The following SLC9A9 variants were observed in gnomAD, a reference collection of about 807,000 sequenced individuals.
SLC9A9 encodes sodium/hydrogen exchanger 9.
In SLC9A9, 62 loss-of-function variants were observed where a neutral mutation model predicts 77.8. That is an observed-to-expected ratio of 0.80 (90% confidence interval 0.65 to 0.98). The LOEUF is 0.98. Among genes scored for constraint, SLC9A9 ranks in the 50% least tolerant of loss-of-function variants. The probability of loss-of-function intolerance (pLI) is 0.00; values close to 1 mark genes in which losing one functional copy is unlikely to be tolerated. For synonymous variants in SLC9A9, 320 were observed against 283.5 expected, an observed-to-expected ratio of 1.13 and a Z score of -1.29; for missense variants, 775 against 774.9, an observed-to-expected ratio of 1.00 and a Z score of 0.00.
chr3:143,317,986 C>A (rs1057260861), intron 14 of SLC9A9, among the ~76,000 whole-genome samples: 5 of 152,308 alleles, frequency 3.3e-5, no homozygotes, highest in Non-Finnish European at 7.4e-5. Context: ...CTTGGCCTCC[C>A]AAAGTGCTGG....
intron 5 of SLC9A9, among the ~76,000 whole-genome samples, chr3:143,656,629 A>G (rs2038893640): frequency 6.6e-6 from 1 of 152,194 alleles, no homozygotes; most frequent in South Asian, 2.1e-4. Context: ...GCTCTCAGCA[A>G]CCTAGCACAA....
chr3:143,492,118 C>CCGT (rs749550156), intron 11 of SLC9A9, among the ~76,000 whole-genome samples: 6 of 151,718 alleles, frequency 4.0e-5, no homozygotes, highest in Admixed American at 2.0e-4. Context: ...CGGTGAAACC[C>CCGT]CGTCTCTACT....
intron 12 of SLC9A9, among the ~76,000 whole-genome samples, chr3:143,394,220 T>G (rs186789197): frequency 1.6e-4 from 25 of 152,206 alleles, no homozygotes; most frequent in Non-Finnish European, 2.6e-4. Flanking sequence ...ACTGGCAAAC[T>G]GAATCCAGCG....
chr3:143,532,766 G>C (rs556140182), intron 9 of SLC9A9, among the ~76,000 whole-genome samples: 1 of 152,192 alleles, frequency 6.6e-6, no homozygotes, highest in South Asian at 2.1e-4. Flanking sequence ...ACTCATTCTG[G>C]TACATATCTC....
At chr3:143,643,482 A>G (rs1406841311) in intron 6 of SLC9A9, among the ~76,000 whole-genome samples, 1 of 152,162 alleles carries the variant, frequency 6.6e-6, no homozygotes, top group Non-Finnish European at 1.5e-5. Context: ...TGATTTCCAC[A>G]TGGAAATGGG....
intron 14 of SLC9A9, among the ~76,000 whole-genome samples, chr3:143,334,963 GAA>G (rs35558032): frequency 3.4e-5 from 5 of 149,174 alleles, no homozygotes; most frequent in African/African-American, 7.3e-5. Context: ...TAATAGGCAT[GAA>G]AAAAAAAAAT....
chr3:143,402,729 G>C (rs551288292), intron 12 of SLC9A9, among the ~76,000 whole-genome samples: 59 of 149,412 alleles, frequency 3.9e-4, no homozygotes, highest in Admixed American at 6.7e-4. Flanking sequence ...TTTCCCTTCA[G>C]GATATTTGTA....
rs116443488 is a variant in SLC9A9, at chr3:143,400,929, C to G, written c.1470-18815G>C. ...TCCTAGGTACCTTGTTTGCCTCCCC[C>G]AGTCCTGATCGTGGGTGAAGTAACA... On this transcript the variant is annotated intron_variant, in intron 12 of 15. Transcript: ENST00000316549. Among the ~76,000 whole-genome samples, 1,203 of 152,120 alleles carry G rather than the reference C, an allele frequency of 7.9e-3. 16 individuals carry two copies. Among genetic ancestry groups the G allele is most frequent in the African/African-American group, 0.027 (1,124 of 41,486 alleles).
intron 14 of SLC9A9, among the ~76,000 whole-genome samples, chr3:143,334,791 C>T (rs1162347241): frequency 6.6e-6 from 1 of 152,110 alleles, no homozygotes; most frequent in African/African-American, 2.4e-5. Flanking sequence ...AGCCCCAACT[C>T]ATAAAGATAT....
intron 5 of SLC9A9, among the ~76,000 whole-genome samples, chr3:143,665,123 A>G (rs2039043233): frequency 6.6e-6 from 1 of 152,278 alleles, no homozygotes; most frequent in Non-Finnish European, 1.5e-5. Flanking sequence ...AACAGAAATT[A>G]TAACAAACTG....
chr3:143,439,395 T>A (rs779421624), intron 12 of SLC9A9, among the ~76,000 whole-genome samples: 11 of 152,246 alleles, frequency 7.2e-5, no homozygotes, highest in Non-Finnish European at 1.0e-4. Flanking sequence ...CAGCTCATTG[T>A]ACTTTCAGAG....
intron 6 of SLC9A9, among the ~76,000 whole-genome samples, chr3:143,636,306 T>C (rs898478914): frequency 6.6e-6 from 1 of 152,236 alleles, no homozygotes; most frequent in South Asian, 2.1e-4. Context: ...TCATTAATTG[T>C]TGCTGAAGTC....
chr3:143,344,391 T>C (rs202054861), intron 14 of SLC9A9: 2 of 152,198 alleles, frequency 1.3e-5, no homozygotes, highest in East Asian at 1.9e-4. Context: ...AAAATATTCA[T>C]TCCAACTCTG....
intron 9 of SLC9A9, among the ~76,000 whole-genome samples, chr3:143,541,767 C>A (rs915615880): frequency 6.6e-6 from 1 of 152,134 alleles, no homozygotes; most frequent in African/African-American, 2.4e-5. Context: ...TAGCTCTGAA[C>A]TTCTTTGATT....
At chr3:143,732,994 ATT>A (rs1934846427) in intron 4 of SLC9A9, among the ~76,000 whole-genome samples, 1 of 152,162 alleles carries the variant, frequency 6.6e-6, no homozygotes, top group African/African-American at 2.4e-5. Flanking sequence ...CCTGAACATC[ATT>A]AGGTAATAAA....
chr3:143,507,197 CATTATT>C (rs1249395315), intron 9 of SLC9A9, among the ~76,000 whole-genome samples: 1 of 151,228 alleles, frequency 6.6e-6, no homozygotes, highest in Non-Finnish European at 1.5e-5. Context: ...TTATTATTAT[CATTATT>C]ATTATTATTA....
intron 3 of SLC9A9, among the ~76,000 whole-genome samples, chr3:143,795,294 A>AAAAAAAAAAC (rs1560083118): frequency 6.8e-6 from 1 of 147,786 alleles, no homozygotes. Context: ...AAAAAAAAAA[A>AAAAAAAAAAC]AAAAAACCCA....
intron 12 of SLC9A9, among the ~76,000 whole-genome samples, chr3:143,390,038 T>A (rs1483825086): frequency 6.6e-6 from 1 of 152,256 alleles, no homozygotes; most frequent in Non-Finnish European, 1.5e-5. Flanking sequence ...CAGGTACTCA[T>A]ATGCTTTGCT....
intron 12 of SLC9A9, among the ~76,000 whole-genome samples, chr3:143,426,953 G>A (rs767642012): frequency 1.3e-5 from 2 of 152,152 alleles, no homozygotes; most frequent in East Asian, 3.8e-4. Context: ...ATTCAAACAC[G>A]GGCAGCTGAC....
Sources: gnomAD v4.1 joint callset for allele counts (sites outside exome capture counted in the v4.1 genomes callset) on GRCh38, gnomAD v4.1.1 for gene constraint, MANE v1.5 for transcripts, NCBI Gene and HGNC (gene_info 2026-07-23, HGNC 2026-07-21) for gene names.